Variants in GPM6A observed in about 807,000 individuals in gnomAD.
The protein encoded by GPM6A is neuronal membrane glycoprotein M6-a.
GPM6A carries 7 observed loss-of-function variants against 32.1 expected under a neutral mutation model. The ratio of observed to expected loss-of-function variants is 0.22; its 90% CI spans 0.12 to 0.41. The LOEUF (loss-of-function observed/expected upper bound fraction) is 0.41, where lower values mean the gene tolerates loss of function less well. GPM6A is among the 10% of genes least tolerant of loss of function. The pLI, the probability that GPM6A is intolerant of heterozygous loss-of-function variation, is 1.00. For synonymous variants in GPM6A, 130 were observed against 123.4 expected (o/e 1.05, Z -0.35); for missense variants, 235 against 347.2 (o/e 0.68, Z 2.57).
chr4:175,915,288 AT>A (rs11316675), intron 1 of GPM6A, among the ~76,000 whole-genome samples: 52,736 of 140,804 alleles, frequency 0.37, 10,770 homozygotes, highest in South Asian at 0.61. Flanking sequence ...ATTAAAAAGG[AT>A]TTTTTTTTTT....
chr4:175,727,745 T>C lies in GPM6A; in HGVS notation c.38-25978A>G, dbSNP rs777673593. Among the ~76,000 whole-genome samples the C allele has an allele frequency of 3.9e-5, 6 of 152,214 alleles. No individual in the cohort carries two copies. The South Asian group carries it at 6.2e-4, about 16-fold the overall frequency. ...TGGGCTGGGCATGGTGGCTCACACC[T>C]GTAATCCCAGCACTTTGGGAGGCCT... On this transcript the variant is annotated intron_variant, in intron 1 of 6. Transcript: ENST00000393658.
At chr4:175,751,227 T>C (rs1344338454) in intron 1 of GPM6A, among the ~76,000 whole-genome samples, 1 of 152,120 alleles carries the variant, frequency 6.6e-6, no homozygotes, top group Non-Finnish European at 1.5e-5. Context: ...ATAGAGAATG[T>C]AGAAGACATG....
At chr4:175,761,121 C>A (rs1732720308) in intron 1 of GPM6A, among the ~76,000 whole-genome samples, 2 of 152,146 alleles carry the variant, frequency 1.3e-5, no homozygotes, top group South Asian at 2.1e-4. Context: ...CTACACTGAG[C>A]TAGAAGTGAG....
chr4:175,849,584 G>A, intron 1 of GPM6A, among the ~76,000 whole-genome samples: 1 of 152,058 alleles, frequency 6.6e-6, no homozygotes, highest in Non-Finnish European at 1.5e-5. Context: ...CATGGAAACG[G>A]TTTCATTGAC....
chr4:175,826,752 T>C (rs1735451794), intron 1 of GPM6A, among the ~76,000 whole-genome samples: 1 of 152,102 alleles, frequency 6.6e-6, no homozygotes, highest in Non-Finnish European at 1.5e-5. Context: ...TAAACTCATG[T>C]TACAACCAGC....
chr4:175,810,005 GT>G, intron 1 of GPM6A, among the ~76,000 whole-genome samples: 1 of 152,282 alleles, frequency 6.6e-6, no homozygotes, highest in East Asian at 1.9e-4. Flanking sequence ...AGAAAACTCT[GT>G]GCTATTTGAA....
At chr4:175,675,718 T>C (rs932799801) in intron 2 of GPM6A, among the ~76,000 whole-genome samples, 1 of 152,162 alleles carries the variant, frequency 6.6e-6, no homozygotes, top group Non-Finnish European at 1.5e-5. Flanking sequence ...GACACGAGCA[T>C]GGCTCACCGC....
intron 1 of GPM6A, among the ~76,000 whole-genome samples, chr4:175,751,740 C>A (rs1359934328): frequency 6.6e-6 from 1 of 150,562 alleles, no homozygotes; most frequent in Non-Finnish European, 1.5e-5. Flanking sequence ...TCACACGATG[C>A]ACCTGTTTTT....
In GPM6A at chr4:175,769,396, A is replaced by G. The variant is rs570315547; in HGVS notation, c.37+42795T>C. ...CAATTCTAGGATGTATAATTGATTT[A>G]AACACAAAGGCCTATCTGGGTTTGA... On this transcript the variant is annotated intron_variant, in intron 1 of 6. Coordinates refer to ENST00000393658, the MANE Select transcript of GPM6A (RefSeq NM_201591.3). 1.4e-4 allele frequency among the ~76,000 whole-genome samples: 21 copies of G among 152,320 alleles called. No homozygotes were observed. In the South Asian group the frequency reaches 1.9e-3, roughly 14 times the overall value.
intron 6 of GPM6A, among the ~76,000 whole-genome samples, chr4:175,637,104 ATAT>A (rs1560841397): frequency 1.1e-4 from 14 of 129,106 alleles, no homozygotes; most frequent in Non-Finnish European, 2.3e-4. Flanking sequence ...CATATATAAT[ATAT>A]TATATGTGAT....
Position 175,634,924 on chromosome 4 carries a change from C to A in GPM6A, c.818G>T (p.Arg273Leu). 1 of 1,613,692 alleles carries A rather than the reference C, an allele frequency of 6.2e-7. No individual in the cohort carries two copies. Among genetic ancestry groups the A allele is most frequent in the Non-Finnish European group, 8.5e-7 (1 of 1,179,728 alleles). Residue 273 changes from arginine to leucine, a missense_variant, in exon 7 of 7, where the codon CGG becomes CTG. By Grantham distance (102) the Arg-to-Leu change is moderately radical. Transcript: ENST00000393658. Reference protein sequence around the residue: ...HDIHSTRSKERLNAYT With the variant: ...HDIHSTRSKELLNAYT ...ATGCATTTATGTGTATGCATTGAGC[C>A]GCTCTTTGGAGCGAGTAGAGTGGAT...
intron 1 of GPM6A, among the ~76,000 whole-genome samples, chr4:175,954,411 TA>T (rs1401252272): frequency 1.3e-5 from 2 of 152,242 alleles, no homozygotes; most frequent in Non-Finnish European, 2.9e-5. Context: ...TGTGTAAGCT[TA>T]AATGAGTTTC....
intron 1 of GPM6A, among the ~76,000 whole-genome samples, chr4:175,766,025 CTGAAA>C (rs1471067437): frequency 1.3e-5 from 2 of 152,154 alleles, no homozygotes; most frequent in Admixed American, 6.5e-5. Context: ...TTGAAATGAA[CTGAAA>C]TAATTTGATT....
intron 1 of GPM6A, among the ~76,000 whole-genome samples, chr4:175,871,541 A>C (rs1381631172): frequency 6.6e-6 from 1 of 152,128 alleles, no homozygotes; most frequent in African/African-American, 2.4e-5. Flanking sequence ...ATTTCTGAAT[A>C]TTTTTCAGCC....
At chr4:175,937,375 G>C (rs1739273932) in intron 1 of GPM6A, among the ~76,000 whole-genome samples, 1 of 152,130 alleles carries the variant, frequency 6.6e-6, no homozygotes, top group Admixed American at 6.5e-5. Context: ...ACGCATTTAA[G>C]ATGCAAATTA....
At chr4:175,952,427 A>G (rs1259995323) in intron 1 of GPM6A, among the ~76,000 whole-genome samples, 1 of 152,130 alleles carries the variant, frequency 6.6e-6, no homozygotes, top group Non-Finnish European at 1.5e-5. Context: ...GATGTCCCCA[A>G]AGCAATGGAA....
intron 1 of GPM6A, among the ~76,000 whole-genome samples, chr4:175,825,566 C>T (rs1029778691): frequency 2.0e-5 from 3 of 152,132 alleles, no homozygotes; most frequent in Non-Finnish European, 4.4e-5. Flanking sequence ...GAAAATATAT[C>T]AGAATGAGGC....
rs377547367 is a variant in GPM6A, at chr4:175,829,737, G to A, written c.-22-17488C>T. Among the ~76,000 whole-genome samples the A allele has an allele frequency of 5.6e-3, 811 of 146,020 alleles. 8 individuals carry two copies. Among genetic ancestry groups the A allele is most frequent in the South Asian group, 0.03 (141 of 4,664 alleles). Reference sequence around the variant, plus strand: ...ATATGTATATATAGGAAATATATAAGATATATATATAGATATATATATCTT... The same window carrying A: ...ATATGTATATATAGGAAATATATAAAATATATATATAGATATATATATCTT... On this transcript the variant is annotated intron_variant, in intron 1 of 7. Transcript: ENST00000280187.
intron 1 of GPM6A, among the ~76,000 whole-genome samples, chr4:175,754,261 T>A (rs2111195014): frequency 6.6e-6 from 1 of 152,198 alleles, no homozygotes; most frequent in East Asian, 1.9e-4. Flanking sequence ...CTTGATATGC[T>A]CAAGTTAGTT....
Sources: allele counts gnomAD v4.1 joint callset (sites outside exome capture counted in the v4.1 genomes callset), GRCh38; gene constraint gnomAD v4.1.1; transcripts MANE v1.5; gene names NCBI Gene and HGNC (gene_info 2026-07-23, HGNC 2026-07-21).